ZNF136: variants seen among roughly 807,000 people sequenced by gnomAD.
ZNF136 encodes zinc finger protein 136.
Under a neutral mutation model 11.4 loss-of-function variants are expected in ZNF136, and 8 were observed. The observed-to-expected ratio is 0.70, with a 90% CI of 0.41 to 1.27. ZNF136 has a LOEUF of 1.27. ZNF136 is among the 50% of genes most tolerant of loss of function. The probability of loss-of-function intolerance (pLI) is 0.01; values close to 1 mark genes in which losing one functional copy is unlikely to be tolerated. For missense variants in ZNF136, 590 were observed against 656.5 expected (o/e 0.90, Z 1.11); for synonymous variants, 190 against 207.1 (o/e 0.92, Z 0.71).
At chr19:12,184,955 C>T (rs1382471825) in intron 1 of ZNF136, 2 of 152,090 alleles carry the variant, frequency 1.3e-5, no homozygotes, top group African/African-American at 2.4e-5. Flanking sequence ...GGGGCTTATC[C>T]CAGGATGGTT....
Position 12,186,620 on chromosome 19 carries a change from G to A in ZNF136, c.242G>A (p.Gly81Glu). Residue 81 changes from glycine (G) to glutamate (E), a missense_variant, in exon 4 of 4, where the codon GGA becomes GAA. Gly to Glu is a moderately conservative substitution (Grantham distance 98, BLOSUM62 -2). Transcript: ENST00000343979. ...CAAACTAAGGATGGTAGTCAGCGTG[G>A]AGGAATTTTTAGCCAGTTTGCAAAT... is the stretch of plus-strand genomic sequence containing the variant. ...LYQTKDGSQR[G>E]GIFSQFANQN... The A allele has an allele frequency of 1.2e-6, 2 of 1,614,096 alleles. No homozygotes were observed. Among genetic ancestry groups the A allele is most frequent in the Non-Finnish European group, 1.7e-6 (2 of 1,179,984 alleles).
Position 12,187,383 on chromosome 19 carries a change from C to T in ZNF136, c.1005C>T (p.Pro335=), listed in dbSNP as rs1011899745. The T allele has an allele frequency of 1.2e-6, 2 of 1,613,822 alleles. No homozygotes were observed. The highest frequency in any genetic ancestry group is 1.3e-5 in the African/African-American group (1 of 74,850). ...AAAGAATTCACACTGGTGAGAAACCCTTCGTATGTAAACAATGTGGTAAAG... is the reference window on the plus strand; with the variant it reads ...AAAGAATTCACACTGGTGAGAAACCTTTCGTATGTAAACAATGTGGTAAAG... ...LHERIHTGEK[P]FVCKQCGKAF... is the part of the protein sequence containing the mutation. Residue 335 remains proline (P), a synonymous_variant, in exon 4 of 4, where the codon CCC becomes CCT. Coordinates refer to ENST00000343979, the MANE Select transcript of ZNF136 (RefSeq NM_003437.5).
At chr19:12,176,370 A>G (rs898055245) in intron 1 of ZNF136, among the ~76,000 whole-genome samples, 4 of 151,742 alleles carry the variant, frequency 2.6e-5, no homozygotes, top group Non-Finnish European at 5.9e-5. Flanking sequence ...CTTGTTGCCC[A>G]GGTGGGACTG....
intron 1 of ZNF136, among the ~76,000 whole-genome samples, chr19:12,182,389 C>T (rs1048029721): frequency 6.6e-6 from 1 of 152,212 alleles, no homozygotes; most frequent in Non-Finnish European, 1.5e-5. Flanking sequence ...CTGGGGCTGC[C>T]CCAAGAAGCC....
Position 12,168,641 on chromosome 19 carries a change from G to A in ZNF136, c.3+5435G>A, listed in dbSNP as rs192421058. On this transcript the variant is annotated intron_variant, in intron 1 of 3. Coordinates refer to ENST00000343979, the MANE Select transcript of ZNF136 (RefSeq NM_003437.5). Reference sequence around the variant, plus strand: ...CTTCCAGGGGACCCCCACTTCCCTGGTCATATATATCTTTTCCATTTGGCT... The same window carrying A: ...CTTCCAGGGGACCCCCACTTCCCTGATCATATATATCTTTTCCATTTGGCT... Among the ~76,000 whole-genome samples the A allele has an allele frequency of 3.1e-3, 473 of 151,940 alleles. 1 individual carries two copies. The highest frequency in any genetic ancestry group is 0.011 in the African/African-American group (458 of 41,446).
intron 1 of ZNF136, among the ~76,000 whole-genome samples, chr19:12,178,445 A>G (rs562338295): frequency 2.6e-4 from 39 of 152,318 alleles, no homozygotes; most frequent in Non-Finnish European, 4.3e-4. Flanking sequence ...GGTCTTTCCT[A>G]TTATTCACAG....
rs1039475550 is a variant in ZNF136 at position 12,187,110 on chromosome 19, A to G, written c.732A>G (p.Ile244Met). The G allele has an allele frequency of 6.2e-7, 1 of 1,614,040 alleles. No homozygotes were observed. Among genetic ancestry groups the G allele is most frequent in the African/African-American group, 1.3e-5 (1 of 74,922 alleles). The change falls in exon 4 of 4, where the codon ATA becomes ATG. Residue 244 changes from isoleucine (I) to methionine (M), a missense_variant. Coordinates refer to ENST00000343979, the MANE Select transcript of ZNF136 (RefSeq NM_003437.5). ...TCITSVRRHM[I>M]KHTGDGPYKC... ...TCACAAGTGTTCGAAGACACATGATAAAGCACACTGGAGATGGACCTTATA... is the reference window on the plus strand; with the variant it reads ...TCACAAGTGTTCGAAGACACATGATGAAGCACACTGGAGATGGACCTTATA...
In ZNF136 at chr19:12,187,049, A is replaced by G. The variant is rs143841679; in HGVS notation, c.671A>G (p.Tyr224Cys). ...AGAAGTCACACTGGAGAGAAACCCT[A>G]TGAATGTCAGGAATGTGGAAAAGCC... ...HERSHTGEKP[Y>C]ECQECGKAFT... Residue 224 changes from tyrosine (Y) to cysteine (C), a missense_variant, in exon 4 of 4, where the codon TAT (tyrosine) becomes TGT (cysteine). Physicochemically the swap from Tyr to Cys is radical, Grantham distance 194 (BLOSUM62 -2). Transcript: ENST00000343979. The G allele has an allele frequency of 6.0e-5, 97 of 1,613,938 alleles. No individual in the cohort carries two copies. The highest frequency in any genetic ancestry group is 8.0e-5 in the Non-Finnish European group (94 of 1,179,982).
chr19:12,173,722 GAA>G (rs1914718496), intron 1 of ZNF136, among the ~76,000 whole-genome samples: 1 of 152,146 alleles, frequency 6.6e-6, no homozygotes, highest in African/African-American at 2.4e-5. Context: ...CCCTCAATTT[GAA>G]GCCTGTTGGT....
In ZNF136 at chr19:12,185,929, C is replaced by T. The variant is rs1915068055; in HGVS notation, c.130+18C>T. 3.7e-6 allele frequency: 6 copies of T among 1,611,230 alleles called. No individual in the cohort carries two copies. The highest frequency in any genetic ancestry group is 5.1e-6 in the Non-Finnish European group (6 of 1,179,372). On this transcript the variant is annotated intron_variant, in intron 2 of 3. Transcript: ENST00000343979. ...CTCTATAGGTAAGGATTGTATACTT[C>T]CATCACTTAGCAATTAAAGAAGAAG...
chr19:12,184,999 G>C (rs1459531277), intron 1 of ZNF136: 1 of 152,230 alleles, frequency 6.6e-6, no homozygotes, highest in Non-Finnish European at 1.5e-5. Flanking sequence ...TCAAGGGCAG[G>C]CCAGTGGTGT....
chr19:12,177,375 C>T (rs979056989), intron 1 of ZNF136, among the ~76,000 whole-genome samples: 1 of 152,228 alleles, frequency 6.6e-6, no homozygotes. Flanking sequence ...CGGAGTCTCG[C>T]TCTGTAGCCC....
chr19:12,172,498 T>A (rs1393588294), intron 1 of ZNF136, among the ~76,000 whole-genome samples: 1 of 152,172 alleles, frequency 6.6e-6, no homozygotes, highest in Non-Finnish European at 1.5e-5. Context: ...ACCTTGTAGA[T>A]CTTGTCTGAC....
chr19:12,186,233 T>C (rs1915080056), intron 3 of ZNF136, 59 bp downstream of exon 3: 1 of 1,523,382 alleles, frequency 6.6e-7, no homozygotes, highest in African/African-American at 1.4e-5. Flanking sequence ...GTCATGAAAT[T>C]TTAAAAACAG....
Position 12,166,716 on chromosome 19 carries a change from G to A in ZNF136, c.3+3510G>A, listed in dbSNP as rs1977191620. On this transcript the variant is annotated intron_variant, in intron 1 of 3. Coordinates refer to ENST00000343979, the MANE Select transcript of ZNF136 (RefSeq NM_003437.5). ...TTGTCTGAAAATAGTAGATTCTTGTGCTTTTTCTGTTCAGCTATGATGTAA... is the reference window on the plus strand; with the variant it reads ...TTGTCTGAAAATAGTAGATTCTTGTACTTTTTCTGTTCAGCTATGATGTAA... Among the ~76,000 whole-genome samples the A allele has an allele frequency of 2.6e-5, 4 of 152,298 alleles. No homozygotes were observed. The South Asian group carries it at 8.3e-4, about 32-fold the overall frequency.
At chr19:12,168,681 C>A (rs910376392) in intron 1 of ZNF136, among the ~76,000 whole-genome samples, 1 of 145,544 alleles carries the variant, frequency 6.9e-6, no homozygotes, top group African/African-American at 2.5e-5. Context: ...TTGGGTCATC[C>A]TTTTTTTTTT....
At position 12,186,593 on chromosome 19, in the gene ZNF136, A is replaced by C. The variant is rs755980404; in HGVS notation, c.215A>C (p.Tyr72Ser). 6.2e-7 allele frequency: 1 copy of C among 1,612,802 alleles called. No homozygotes were observed. The highest frequency in any genetic ancestry group is 1.7e-5 in the Admixed American group (1 of 59,870). The change falls in exon 4 of 4, where the codon TAT becomes TCT. Residue 72 changes from tyrosine (Y) to serine (S), a missense_variant. Tyr to Ser is a moderately radical substitution (Grantham distance 144, BLOSUM62 -2). Coordinates refer to ENST00000343979, the MANE Select transcript of ZNF136 (RefSeq NM_003437.5). Reference protein sequence around the residue: ...NLRSHMLERLYQTKDGSQRGG... With the variant: ...NLRSHMLERLSQTKDGSQRGG... ...AGAAGTCATATGTTAGAAAGACTCTATCAAACTAAGGATGGTAGTCAGCGT... is the reference window on the plus strand; with the variant it reads ...AGAAGTCATATGTTAGAAAGACTCTCTCAAACTAAGGATGGTAGTCAGCGT...
At chr19:12,167,331 G>T (rs935991092) in intron 1 of ZNF136, among the ~76,000 whole-genome samples, 2 of 152,222 alleles carry the variant, frequency 1.3e-5, no homozygotes, top group African/African-American at 4.8e-5. Context: ...GATGGTCTGT[G>T]TCAGAGACAC....
chr19:12,182,788 C>G (rs895544712), intron 1 of ZNF136, among the ~76,000 whole-genome samples: 1 of 151,760 alleles, frequency 6.6e-6, no homozygotes, highest in Admixed American at 6.6e-5. Flanking sequence ...TGGGAAGGGT[C>G]GGTGAGCAGC....
Sources: gnomAD v4.1 joint callset for allele counts (sites outside exome capture counted in the v4.1 genomes callset) on GRCh38, gnomAD v4.1.1 for gene constraint, MANE v1.5 for transcripts, NCBI Gene and HGNC (gene_info 2026-07-23, HGNC 2026-07-21) for gene names.